SNX27: variants seen among roughly 807,000 people sequenced by gnomAD.
SNX27 encodes sorting nexin 27.
SNX27 carries 22 observed loss-of-function variants against 71.6 expected under a neutral mutation model. The ratio of observed to expected loss-of-function variants is 0.31; its 90% CI spans 0.22 to 0.44. The LOEUF is 0.44. Among genes scored for constraint, SNX27 ranks in the 20% least tolerant of loss-of-function variants. SNX27 has a pLI of 1.00. For synonymous variants in SNX27, 269 were observed against 277.2 expected, an observed-to-expected ratio of 0.97 and a Z score of 0.29; for missense variants, 531 against 698.6, an observed-to-expected ratio of 0.76 and a Z score of 2.70.
intron 7 of SNX27, among the ~76,000 whole-genome samples, chr1:151,669,647 C>T (rs542123755): frequency 6.6e-6 from 1 of 152,306 alleles, no homozygotes; most frequent in South Asian, 2.1e-4. Context: ...TCTCCTGTTT[C>T]CAGTGTGAGA....
At chr1:151,660,255 T>C (rs1205115116) in intron 3 of SNX27, 2 of 151,900 alleles carry the variant, frequency 1.3e-5, no homozygotes, top group Non-Finnish European at 2.9e-5. Flanking sequence ...TTTTTTTTTT[T>C]TTGGTGGTTG....
intron 8 of SNX27, 101 bp from the exon 9 acceptor site, chr1:151,692,334 T>C: frequency 7.3e-7 from 1 of 1,375,044 alleles, no homozygotes; most frequent in Middle Eastern, 2.7e-4. Flanking sequence ...TTTGTTCTTT[T>C]TCTTGCACCA....
chr1:151,660,454 C>G (rs1415132673), intron 3 of SNX27: 2 of 172,434 alleles, frequency 1.2e-5, no homozygotes, highest in African/African-American at 4.7e-5. Flanking sequence ...TTCCCTACCA[C>G]TACCTCTTTA....
At chr1:151,647,897 TA>T (rs1210482208) in intron 2 of SNX27, among the ~76,000 whole-genome samples, 1 of 151,378 alleles carries the variant, frequency 6.6e-6, no homozygotes, top group African/African-American at 2.4e-5. Context: ...ACAGCATGTA[TA>T]AAGAAAAGCA....
chr1:151,629,859 G>A (rs1422471849), intron 1 of SNX27, among the ~76,000 whole-genome samples: 6 of 151,740 alleles, frequency 4.0e-5, no homozygotes, highest in Non-Finnish European at 2.9e-5. Flanking sequence ...GATTACAGGC[G>A]TGAGCCAATG....
At chr1:151,677,604 T>C (rs1670755388) in intron 7 of SNX27, 1 of 152,156 alleles carries the variant, frequency 6.6e-6, no homozygotes, top group Admixed American at 6.6e-5. Flanking sequence ...GGTATCTCGC[T>C]ATGTTGCCCA....
intron 7 of SNX27, chr1:151,669,447 T>C (rs897184317): frequency 6.6e-6 from 1 of 152,238 alleles, no homozygotes; most frequent in Non-Finnish European, 1.5e-5. Context: ...ACAATTAATT[T>C]AGCTCCATAC....
At chr1:151,692,802 C>T (rs1671517898) in intron 9 of SNX27, 109 bp from the exon 10 acceptor site, 1 of 1,468,538 alleles carries the variant, frequency 6.8e-7, no homozygotes, top group Admixed American at 1.9e-5. Context: ...TGAAGCGATG[C>T]AGACATCCAT....
intron 1 of SNX27, among the ~76,000 whole-genome samples, chr1:151,623,615 G>A (rs2102602763): frequency 1.3e-5 from 2 of 151,308 alleles, no homozygotes; most frequent in Admixed American, 1.3e-4. Flanking sequence ...GCCCAGACTG[G>A]TCTTGAACTT....
chr1:151,673,726 G>A (rs143188035), intron 7 of SNX27, among the ~76,000 whole-genome samples: 23 of 152,202 alleles, frequency 1.5e-4, no homozygotes, highest in African/African-American at 5.5e-4. Context: ...CCAGTTTTGG[G>A]TGCACATATA....
At position 151,612,571 on chromosome 1, in the gene SNX27, C is replaced by T; in HGVS notation, c.311+59C>T. 1 of 1,198,376 alleles carries T rather than the reference C, an allele frequency of 8.3e-7. No individual in the cohort carries two copies. The highest frequency in any genetic ancestry group is 1.1e-6 in the Non-Finnish European group (1 of 935,858). The allele number at this position is 1,198,376 out of a possible 1,614,324, so 74.2% of individuals were successfully genotyped here. ...CCCGCGCCCCTCCTGCCCCTGCACT[C>T]CTCGCTACCCTTGTCACCCCCAGGC... is the stretch of plus-strand genomic sequence containing the variant. On this transcript the variant is annotated intron_variant, in intron 1 of 11. Coordinates refer to ENST00000458013, the MANE Select transcript of SNX27 (RefSeq NM_001330723.2). This position sits in a 1 kb window ranked among gnomAD's most constrained non-coding sequence, Gnocchi z 5.2.
At chr1:151,675,178 A>C (rs1012929594) in intron 7 of SNX27, among the ~76,000 whole-genome samples, 1 of 151,342 alleles carries the variant, frequency 6.6e-6, no homozygotes, top group Admixed American at 6.6e-5. Flanking sequence ...TTTGTAAGTT[A>C]CTACTTATAT....
chr1:151,674,350 T>C (rs1219016969), intron 7 of SNX27, among the ~76,000 whole-genome samples: 1 of 152,198 alleles, frequency 6.6e-6, no homozygotes. Flanking sequence ...GCCTTAAATA[T>C]ACCCCCACAC....
At chr1:151,670,519 C>T (rs1039998340) in intron 7 of SNX27, among the ~76,000 whole-genome samples, 2 of 152,158 alleles carry the variant, frequency 1.3e-5, no homozygotes, top group Non-Finnish European at 2.9e-5. Context: ...CAACAGTAAA[C>T]AAGGGTTCCC....
chr1:151,665,179 T>A (rs764883703), intron 5 of SNX27, among the ~76,000 whole-genome samples: 1 of 152,228 alleles, frequency 6.6e-6, no homozygotes, highest in Non-Finnish European at 1.5e-5. Flanking sequence ...ATTTTGTTAC[T>A]ACCAGTTTAT....
At position 151,668,633 on chromosome 1, in the gene SNX27, C is replaced by G. The variant is rs758891209; in HGVS notation, c.1147C>G (p.Gln383Glu). The G allele has an allele frequency of 9.3e-6, 15 of 1,610,588 alleles. No individual in the cohort carries two copies. In the South Asian group the frequency reaches 1.6e-4, roughly 17 times the overall value. The change falls in exon 7 of 12, where the codon CAG becomes GAG. Residue 383 changes from glutamine to glutamate, a missense_variant and splice_region_variant. Around this residue, in one of 5 missense-constraint regions of SNX27, gnomAD observed 184 missense variants for 289.6 expected, o/e 0.64. Transcript: ENST00000458013. Reference sequence around the variant, plus strand: ...CCTTGCTGTTACCTACTTCTTTCATCAGGTAGGTGAATTGATCTTCTTGAA... The same window carrying G: ...CCTTGCTGTTACCTACTTCTTTCATGAGGTAGGTGAATTGATCTTCTTGAA... ...NDLAVTYFFH[Q>E]AVDDVKKGYI...
intron 1 of SNX27, among the ~76,000 whole-genome samples, chr1:151,635,178 A>G (rs1309776266): frequency 6.6e-6 from 1 of 152,236 alleles, no homozygotes; most frequent in Non-Finnish European, 1.5e-5. Flanking sequence ...TTGTTTGCCC[A>G]ATTGATACAA....
intron 1 of SNX27, among the ~76,000 whole-genome samples, chr1:151,619,007 T>C (rs1175557196): frequency 7.5e-6 from 1 of 133,630 alleles, no homozygotes; most frequent in African/African-American, 2.7e-5. Context: ...ACCTAATATA[T>C]ATGCAAAAAA....
chr1:151,659,989 A>AC (rs1167280638), intron 3 of SNX27: 2 of 152,184 alleles, frequency 1.3e-5, no homozygotes, highest in Non-Finnish European at 2.9e-5. Flanking sequence ...GTGAAGAGAA[A>AC]CCATTTTCCC....
Sources: allele counts gnomAD v4.1 joint callset (sites outside exome capture counted in the v4.1 genomes callset), GRCh38; gene constraint gnomAD v4.1.1; regional missense constraint gnomAD v4.1.1; non-coding constraint Gnocchi (gnomAD v3.1); transcripts MANE v1.5; gene names NCBI Gene and HGNC (gene_info 2026-07-23, HGNC 2026-07-21).